LIMA1: variants seen among roughly 807,000 people sequenced by gnomAD.
LIMA1 encodes LIM domain and actin binding 1, also known as LIM domain and actin-binding protein 1.
In LIMA1, 52 loss-of-function variants were observed where a neutral mutation model predicts 62.6. The observed-to-expected ratio is 0.83, with a 90% confidence interval of 0.67 to 1.05. LIMA1 has a LOEUF of 1.05. LIMA1 is among the 50% of genes least tolerant of loss of function. The probability of loss-of-function intolerance (pLI) is 0.00; values close to 1 mark genes in which losing one functional copy is unlikely to be tolerated. For synonymous variants in LIMA1, 302 were observed against 317.8 expected (o/e 0.95, Z 0.53); for missense variants, 780 against 902.2 (o/e 0.86, Z 1.74).
intron 3 of LIMA1, among the ~76,000 whole-genome samples, chr12:50,223,100 A>G (rs1027439736): frequency 1.3e-5 from 2 of 152,212 alleles, no homozygotes; most frequent in Admixed American, 1.3e-4. Context: ...CATAATTTAC[A>G]TGCATATGAG....
At chr12:50,265,905 A>G (rs1942133359) in intron 1 of LIMA1, among the ~76,000 whole-genome samples, 2 of 151,470 alleles carry the variant, frequency 1.3e-5, no homozygotes, top group African/African-American at 4.9e-5. Context: ...ACACAGCACC[A>G]CCCTTCCTTA....
chr12:50,219,407 C>T (rs893256624), intron 4 of LIMA1, among the ~76,000 whole-genome samples: 3 of 152,204 alleles, frequency 2.0e-5, no homozygotes, highest in East Asian at 1.9e-4. Flanking sequence ...ATTACTTGAA[C>T]CTGGGAGATG....
chr12:50,194,977 G>T (rs193288454), intron 8 of LIMA1, among the ~76,000 whole-genome samples: 130 of 152,224 alleles, frequency 8.5e-4, no homozygotes, highest in Non-Finnish European at 3.1e-4. Flanking sequence ...GAACCTGGGA[G>T]GGGGAGGTTA....
chr12:50,223,853 C>A (rs1328562671), intron 3 of LIMA1, among the ~76,000 whole-genome samples: 1 of 152,138 alleles, frequency 6.6e-6, no homozygotes, highest in African/African-American at 2.4e-5. Flanking sequence ...GCCCGGCCAA[C>A]ACCGTGAAAC....
chr12:50,252,866 C>T (rs1941948468), intron 1 of LIMA1, among the ~76,000 whole-genome samples: 1 of 152,170 alleles, frequency 6.6e-6, no homozygotes, highest in Non-Finnish European at 1.5e-5. Context: ...ACATGACTAA[C>T]ATCATATTTT....
chr12:50,228,016 T>C (rs1941558083), intron 3 of LIMA1, among the ~76,000 whole-genome samples: 1 of 151,920 alleles, frequency 6.6e-6, no homozygotes, highest in Non-Finnish European at 1.5e-5. Context: ...CCCGCCACCG[T>C]GCCCGGCTAA....
intron 2 of LIMA1, among the ~76,000 whole-genome samples, chr12:50,232,188 T>TG (rs559716348): frequency 9.3e-5 from 14 of 151,330 alleles, no homozygotes; most frequent in Admixed American, 6.0e-4. Context: ...GCCTCCTGAG[T>TG]GGCTGGGACT....
At chr12:50,214,731 G>A (rs1159422407) in intron 4 of LIMA1, among the ~76,000 whole-genome samples, 2 of 152,206 alleles carry the variant, frequency 1.3e-5, no homozygotes, top group African/African-American at 2.4e-5. Flanking sequence ...ACTTGAACCC[G>A]GGAGGTGGAG....
chr12:50,226,052 C>T (rs1040934437), intron 3 of LIMA1, among the ~76,000 whole-genome samples: 3 of 151,800 alleles, frequency 2.0e-5, no homozygotes, highest in Non-Finnish European at 4.4e-5. Context: ...TATTTATTTA[C>T]TTATTTATTT....
rs113277731 is a variant in LIMA1 at position 50,250,534 on chromosome 12, C to A, written c.-23-1760G>T. ...GAGCTATGAATTGCGCCACTGGACT[C>A]CAGCCTGGGTGACAGACCAAGATGT... On this transcript the variant is annotated intron_variant, in intron 1 of 10. Coordinates refer to ENST00000341247, the MANE Select transcript of LIMA1 (RefSeq NM_016357.5). 8.0e-4 allele frequency among the ~76,000 whole-genome samples: 114 copies of A among 143,030 alleles called. 1 individual carries two copies. The highest frequency in any genetic ancestry group is 3.0e-3 in the African/African-American group (111 of 36,560). The allele number at this position is 143,030 out of a possible 152,430, so 93.8% of individuals were successfully genotyped here. A position where few individuals can be genotyped will look rare whatever the true frequency, so the allele number is the denominator to read the frequency against.
At chr12:50,257,990 C>T (rs1420928994) in intron 1 of LIMA1, among the ~76,000 whole-genome samples, 1 of 152,136 alleles carries the variant, frequency 6.6e-6, no homozygotes, top group African/African-American at 2.4e-5. Flanking sequence ...TAAATTGTTC[C>T]AGCTCTTGGA....
chr12:50,278,974 T>G (rs1359393795), intron 1 of LIMA1, among the ~76,000 whole-genome samples: 1 of 151,588 alleles, frequency 6.6e-6, no homozygotes, highest in Non-Finnish European at 1.5e-5. Context: ...TCTTTATAAT[T>G]TGTTTTTTCC....
chr12:50,251,908 G>A (rs902970610), intron 1 of LIMA1, among the ~76,000 whole-genome samples: 7 of 152,164 alleles, frequency 4.6e-5, no homozygotes, highest in African/African-American at 1.7e-4. Flanking sequence ...AATGTGATTA[G>A]TACCTATGAA....
At chr12:50,275,679 G>A (rs1038121290) in intron 1 of LIMA1, among the ~76,000 whole-genome samples, 2 of 152,144 alleles carry the variant, frequency 1.3e-5, no homozygotes, top group Admixed American at 1.3e-4. Flanking sequence ...GTGGGGAAGG[G>A]GAGGAGCATG....
chr12:50,263,840 A>AG (rs1160850600), intron 1 of LIMA1, among the ~76,000 whole-genome samples: 37 of 102,078 alleles, frequency 3.6e-4, no homozygotes, highest in African/African-American at 1.1e-3. Flanking sequence ...GAGAGTATAT[A>AG]TATATATATA....
At chr12:50,258,512 G>T (rs1942026376) in intron 1 of LIMA1, among the ~76,000 whole-genome samples, 1 of 151,964 alleles carries the variant, frequency 6.6e-6, no homozygotes, top group Non-Finnish European at 1.5e-5. Context: ...GTCCAGGCTG[G>T]TGTCAAACTC....
chr12:50,248,398 ATT>A (rs747386628), intron 2 of LIMA1, among the ~76,000 whole-genome samples: 4 of 152,146 alleles, frequency 2.6e-5, no homozygotes, highest in East Asian at 1.9e-4. Flanking sequence ...TTTTAAAATA[ATT>A]TTTGTGTCTA....
intron 1 of LIMA1, among the ~76,000 whole-genome samples, chr12:50,264,699 G>A (rs1171508225): frequency 1.3e-5 from 2 of 152,204 alleles, no homozygotes; most frequent in Non-Finnish European, 2.9e-5. Flanking sequence ...ATTGCTTGAG[G>A]TCAGAGGCAG....
intron 4 of LIMA1, among the ~76,000 whole-genome samples, chr12:50,211,541 C>A (rs1047333242): frequency 6.6e-6 from 1 of 151,280 alleles, no homozygotes; most frequent in Non-Finnish European, 1.5e-5. Flanking sequence ...CCCAGCTACT[C>A]CGGAGGCTGA....
Sources: allele counts gnomAD v4.1 joint callset (sites outside exome capture counted in the v4.1 genomes callset), GRCh38; gene constraint gnomAD v4.1.1; transcripts MANE v1.5; gene names NCBI Gene and HGNC (gene_info 2026-07-23, HGNC 2026-07-21).